Variants in COL24A1 observed in about 807,000 individuals in gnomAD.
The protein encoded by COL24A1 is collagen type XXIV alpha 1 chain, also known as collagen alpha-1(XXIV) chain.
In COL24A1, 224 loss-of-function variants were observed where a neutral mutation model predicts 253.9. The observed-to-expected ratio is 0.88, with a 90% CI of 0.79 to 0.99. COL24A1 has a LOEUF of 0.99. Among genes scored for constraint, COL24A1 ranks in the 50% least tolerant of loss-of-function variants. The pLI, the probability that COL24A1 is intolerant of heterozygous loss-of-function variation, is 0.00. For synonymous variants in COL24A1, 685 were observed against 673.7 expected (o/e 1.02, Z -0.26); for missense variants, 2,131 against 2,068.5 (o/e 1.03, Z -0.59).
At chr1:86,079,651 C>T (rs945005389) in intron 7 of COL24A1, among the ~76,000 whole-genome samples, 1 of 151,946 alleles carries the variant, frequency 6.6e-6, no homozygotes, top group African/African-American at 2.4e-5. Flanking sequence ...AGATATTTTT[C>T]AAAATGAGAC....
intron 55 of COL24A1, among the ~76,000 whole-genome samples, chr1:85,756,057 CAAAAAAAAAA>C (rs200030128): frequency 9.4e-5 from 9 of 95,828 alleles, no homozygotes; most frequent in Admixed American, 1.2e-4. Flanking sequence ...TACTAACAAC[CAAAAAAAAAA>C]AAAAAAAAAA....
intron 43 of COL24A1, among the ~76,000 whole-genome samples, chr1:85,828,776 G>T: frequency 7.5e-6 from 1 of 133,322 alleles, no homozygotes; most frequent in African/African-American, 2.8e-5. Flanking sequence ...CATTTGCTTG[G>T]TAGATCTTCC....
intron 18 of COL24A1, among the ~76,000 whole-genome samples, chr1:86,020,383 C>T (rs1354498538): frequency 6.6e-6 from 1 of 152,046 alleles, no homozygotes; most frequent in Non-Finnish European, 1.5e-5. Flanking sequence ...TCATTTTAAA[C>T]ATGAGAAGCT....
rs1415494868 is a variant in COL24A1, at chr1:86,126,026, G to T, written c.310C>A (p.Gln104Lys). ...AACCCAGTTAATATTGTAAACGGCT[G>T]CCCCAAGTTGACTGGTAAAATTTTC... ...FVKILPVNLG[Q>K]PFTILTGLQS... Residue 104 changes from glutamine to lysine, a missense_variant, in exon 3 of 60, where the codon CAG (glutamine) becomes AAG (lysine). Transcript: ENST00000370571. 6.2e-7 allele frequency: 1 copy of T among 1,613,532 alleles called. No individual in the cohort carries two copies. Among genetic ancestry groups the T allele is most frequent in the Non-Finnish European group, 8.5e-7 (1 of 1,179,780 alleles).
intron 8 of COL24A1, among the ~76,000 whole-genome samples, 192 bp downstream of exon 8, chr1:86,063,523 G>C (rs1220044476): frequency 6.6e-6 from 1 of 151,902 alleles, no homozygotes; most frequent in African/African-American, 2.4e-5. Context: ...GATTAACAGT[G>C]AAATATTATG....
intron 43 of COL24A1, among the ~76,000 whole-genome samples, chr1:85,830,707 T>C (rs1368325010): frequency 2.0e-5 from 3 of 152,128 alleles, no homozygotes; most frequent in South Asian, 4.1e-4. Context: ...TGTCACCTCT[T>C]TCTTTGACTA....
intron 24 of COL24A1, among the ~76,000 whole-genome samples, chr1:85,918,953 G>A (rs193069427): frequency 9.2e-4 from 140 of 152,288 alleles, no homozygotes; most frequent in African/African-American, 3.0e-3. Context: ...TGGAGTGCCC[G>A]TCACCATGGG....
chr1:85,755,781 A>T (rs1474125028), intron 55 of COL24A1, among the ~76,000 whole-genome samples: 1 of 152,138 alleles, frequency 6.6e-6, no homozygotes, highest in Non-Finnish European at 1.5e-5. Flanking sequence ...CATAAGAGGT[A>T]AAACTATAAA....
intron 43 of COL24A1, among the ~76,000 whole-genome samples, chr1:85,826,101 A>G (rs1192018835): frequency 7.2e-6 from 1 of 139,156 alleles, no homozygotes; most frequent in Non-Finnish European, 1.6e-5. Flanking sequence ...TGATTTTTGT[A>G]TAAGGTGTAA....
rs5775868 is a variant in COL24A1, at chr1:85,765,559, TTAAATAAA to T, written c.4375-4001_4375-3994del. 7.8e-3 allele frequency among the ~76,000 whole-genome samples: 1,117 copies of T among 143,084 alleles called. 14 individuals are homozygous for T. Among genetic ancestry groups the T allele is most frequent in the African/African-American group, 0.027 (1,027 of 38,742 alleles). 93.9% of individuals were successfully genotyped at this position (143,084 alleles called of 152,430 possible). ...GTCTCTACCGAAAAAAAAAAAATCA[TTAAATAAA>T]TAAATAAATAAATAAATAAATAAAT... On this transcript the variant is annotated intron_variant, in intron 53 of 59. Coordinates refer to ENST00000370571, the MANE Select transcript of COL24A1 (RefSeq NM_152890.7).
In COL24A1 at chr1:85,897,460, A is replaced by G. The variant is rs181117086; in HGVS notation, c.2779-1051T>C. Among the ~76,000 whole-genome samples, 8 of 152,166 alleles carry G rather than the reference A, an allele frequency of 5.3e-5. No individual in the cohort carries two copies. In the South Asian group the frequency reaches 1.2e-3, roughly 24 times the overall value. On this transcript the variant is annotated intron_variant, in intron 28 of 59. Transcript: ENST00000370571. ...AAGTTTAGCTGGAATAAAAAAAAAA[A>G]GAAAGAAAGAAAATGAGTGCTGACT...
intron 57 of COL24A1, among the ~76,000 whole-genome samples, chr1:85,740,289 A>G (rs1664467958): frequency 6.6e-6 from 1 of 152,168 alleles, no homozygotes; most frequent in Admixed American, 6.5e-5. Flanking sequence ...TATCACTAAG[A>G]TAGTTAACTA....
In COL24A1 at chr1:85,874,682, G is replaced by A. The variant is rs755700219; in HGVS notation, c.3105C>T (p.Gly1035=). 1 of 1,612,448 alleles carries A rather than the reference G, an allele frequency of 6.2e-7. No homozygotes were observed. Residue 1035 remains glycine (G), a synonymous_variant, in exon 35 of 60, where the codon GGC becomes GGT. Coordinates refer to ENST00000370571, the MANE Select transcript of COL24A1 (RefSeq NM_152890.7). The stretch of plus-strand genomic sequence containing the variant: ...CTGGTTCCCCAGTTCCTCCAACACT[G>A]CCAGCAGTTCCAACATCTCCCTGAA... ...PGAKGDVGTA[G]SVGGTGEPGL...
At chr1:85,875,046 C>G (rs555049083) in intron 34 of COL24A1, among the ~76,000 whole-genome samples, 1 of 152,338 alleles carries the variant, frequency 6.6e-6, no homozygotes, top group Admixed American at 6.5e-5. Context: ...CCATCCCCTG[C>G]TCTGCTTCCA....
At chr1:85,786,584 A>G in intron 47 of COL24A1, 123 bp from the exon 48 acceptor site, 1 of 597,194 alleles carries the variant, frequency 1.7e-6, no homozygotes, top group Non-Finnish European at 2.7e-6. Flanking sequence ...CCCAGGAGTT[A>G]TCCTGGGCTT....
chr1:86,020,804 A>G (rs1001200620), intron 18 of COL24A1, among the ~76,000 whole-genome samples: 6 of 152,276 alleles, frequency 3.9e-5, no homozygotes, highest in African/African-American at 1.4e-4. Context: ...CATCCTTGAA[A>G]AACAGAAGTT....
At chr1:85,927,009 T>C (rs1687329085) in intron 24 of COL24A1, among the ~76,000 whole-genome samples, 1 of 152,090 alleles carries the variant, frequency 6.6e-6, no homozygotes, top group South Asian at 2.1e-4. Flanking sequence ...GTAGGAACAA[T>C]TTCAGTAGCT....
intron 3 of COL24A1, among the ~76,000 whole-genome samples, chr1:86,118,343 G>A (rs747278286): frequency 3.9e-5 from 6 of 152,160 alleles, no homozygotes; most frequent in Non-Finnish European, 7.3e-5. Context: ...GATTACAGGC[G>A]TGAGCCACTG....
At chr1:85,906,279 C>CTTTTTTTTTTTTTTTTTTTTTTTTT (rs1404658660) in intron 28 of COL24A1, among the ~76,000 whole-genome samples, 1 of 4,614 alleles carries the variant, frequency 2.2e-4, no homozygotes, top group African/African-American at 9.3e-4. Flanking sequence ...TTTTTTTTTA[C>CTTTTTTTTTTTTTTTTTTTTTTTTT]CATGGTTAGG....
Sources: allele counts gnomAD v4.1 joint callset (sites outside exome capture counted in the v4.1 genomes callset), GRCh38; gene constraint gnomAD v4.1.1; transcripts MANE v1.5; gene names NCBI Gene and HGNC (gene_info 2026-07-23, HGNC 2026-07-21).